Variants in CLNK observed in about 807,000 individuals in gnomAD.
The protein encoded by CLNK is cytokine dependent hematopoietic cell linker.
CLNK carries 74 observed loss-of-function variants against 68.6 expected under a neutral mutation model. That is an observed-to-expected ratio of 1.08 (90% CI 0.89 to 1.31). The LOEUF is 1.31. Among genes scored for constraint, CLNK ranks in the 50% most tolerant of loss-of-function variants. CLNK has a pLI of 0.00. For missense variants in CLNK, 553 were observed against 515.3 expected (o/e 1.07, Z -0.71); for synonymous variants, 198 against 172.2 (o/e 1.15, Z -1.17).
At chr4:10,528,482 A>G (rs931585848) in intron 12 of CLNK, among the ~76,000 whole-genome samples, 9 of 152,228 alleles carry the variant, frequency 5.9e-5, no homozygotes, top group Non-Finnish European at 1.3e-4. Context: ...AAAGATGTTC[A>G]TTGCATCATT....
At chr4:10,570,506 A>G (rs1720301766) in intron 5 of CLNK, among the ~76,000 whole-genome samples, 1 of 152,146 alleles carries the variant, frequency 6.6e-6, no homozygotes. Context: ...TCTTAACTAG[A>G]GGTTCAATAT....
Position 10,513,394 on chromosome 4 carries a change from A to G in CLNK, c.906+70T>C, listed in dbSNP as rs914967413. 2.1e-6 allele frequency: 3 copies of G among 1,420,266 alleles called. No individual in the cohort carries two copies. The African/African-American group carries it at 4.3e-5, about 20-fold the overall frequency. The allele number at this position is 1,420,266 out of a possible 1,614,324, so 88.0% of individuals were successfully genotyped here. A position where few individuals can be genotyped will look rare whatever the true frequency, so the allele number is the denominator to read the frequency against. Reference sequence around the variant, plus strand: ...AAACATAAATAATCTCCTTTTGGGCATTGTTCAGGAAAGCTCTATTTAGAT... The same window carrying G: ...AAACATAAATAATCTCCTTTTGGGCGTTGTTCAGGAAAGCTCTATTTAGAT... On this transcript the variant is annotated intron_variant, in intron 16 of 18. Coordinates refer to ENST00000226951, the MANE Select transcript of CLNK (RefSeq NM_052964.4).
intron 8 of CLNK, among the ~76,000 whole-genome samples, chr4:10,557,062 C>T (rs911107750): frequency 3.4e-5 from 5 of 145,136 alleles, no homozygotes; most frequent in South Asian, 2.2e-4. Flanking sequence ...GGCAACAGAG[C>T]GAGACTCTGT....
chr4:10,501,452 A>G, intron 17 of CLNK, 41 bp from the exon 18 acceptor site: 1 of 1,588,520 alleles, frequency 6.3e-7, no homozygotes. Context: ...CAGACACGCC[A>G]GCATTCTGCC....
the CLNK span, among the ~76,000 whole-genome samples, chr4:10,705,898 G>C: frequency 6.6e-6 from 1 of 152,238 alleles, no homozygotes. Context: ...AAAAGTGTAA[G>C]ACACTGGACT....
At chr4:10,683,520 A>T (rs943812667) in intron 1 of CLNK, among the ~76,000 whole-genome samples, 2 of 152,194 alleles carry the variant, frequency 1.3e-5, no homozygotes, top group Non-Finnish European at 2.9e-5. Flanking sequence ...TTTCCTTCTG[A>T]ATTCTGTTAC....
chr4:10,681,140 C>A (rs1432534295), intron 1 of CLNK, among the ~76,000 whole-genome samples: 1 of 152,206 alleles, frequency 6.6e-6, no homozygotes, highest in Non-Finnish European at 1.5e-5. Context: ...TGCCCAATAT[C>A]AATTTAGTTT....
intron 5 of CLNK, 64 bp from the exon 6 acceptor site, chr4:10,566,214 A>G: frequency 2.0e-6 from 3 of 1,525,862 alleles, no homozygotes; most frequent in Middle Eastern, 1.7e-4. Context: ...GACAGGCTAC[A>G]GTGCTGGCTA....
the CLNK span, among the ~76,000 whole-genome samples, chr4:10,702,779 C>G: frequency 1.3e-5 from 2 of 152,088 alleles, no homozygotes; most frequent in Non-Finnish European, 2.9e-5. Context: ...TATGAAACAC[C>G]TAGAATACTG....
chr4:10,562,174 C>T (rs1719921363), intron 7 of CLNK, among the ~76,000 whole-genome samples: 1 of 146,460 alleles, frequency 6.8e-6, no homozygotes, highest in East Asian at 2.0e-4. Context: ...TATCTCAGCT[C>T]ACTGCAGCCT....
upstream of CLNK, among the ~76,000 whole-genome samples, chr4:10,685,910 C>G (rs1314314944): frequency 6.6e-6 from 1 of 152,174 alleles, no homozygotes; most frequent in East Asian, 1.9e-4. Flanking sequence ...AAAGCAGTAA[C>G]CACTTTATTT....
At position 10,684,706 on chromosome 4, in the gene CLNK, G is replaced by T. The variant is rs1256712256; in HGVS notation, c.-81C>A. 6.6e-6 allele frequency: 1 copy of T among 152,214 alleles called. No individual in the cohort carries two copies. The highest frequency in any genetic ancestry group is 1.5e-5 in the Non-Finnish European group (1 of 68,080). 9.4% of individuals were successfully genotyped at this position (152,214 alleles called of 1,614,324 possible). A position where few individuals can be genotyped will look rare whatever the true frequency, so the allele number is the denominator to read the frequency against. On this transcript the variant is annotated 5_prime_UTR_variant, in exon 1 of 19. Transcript: ENST00000226951. ...AGAGCACCAAGGGATCTAGGCTGAG[G>T]TGTCCGTCTCCTGTGAGGAGGGGCG...
At chr4:10,633,384 G>GC (rs761077417) in intron 2 of CLNK, among the ~76,000 whole-genome samples, 1 of 152,220 alleles carries the variant, frequency 6.6e-6, no homozygotes, top group African/African-American at 2.4e-5. Flanking sequence ...CGACTGATGG[G>GC]CTGCAGCTTT....
chr4:10,696,477 C>A, the CLNK span, among the ~76,000 whole-genome samples: 76 of 152,170 alleles, frequency 5.0e-4, 1 homozygote, highest in Admixed American at 4.9e-3. Context: ...GCTCATGCAC[C>A]AACCACACGG....
chr4:10,725,002 T>C, the CLNK span, among the ~76,000 whole-genome samples: 1 of 152,136 alleles, frequency 6.6e-6, no homozygotes, highest in South Asian at 2.1e-4. Context: ...CACGGACACC[T>C]GTGAAGAAGG....
chr4:10,671,725 C>T (rs1371507020), intron 1 of CLNK, among the ~76,000 whole-genome samples: 1 of 152,140 alleles, frequency 6.6e-6, no homozygotes, highest in Non-Finnish European at 1.5e-5. Context: ...CCCCCATCTC[C>T]CCACCTCAGT....
At chr4:10,619,592 G>C (rs1290118420) in intron 2 of CLNK, among the ~76,000 whole-genome samples, 1 of 152,064 alleles carries the variant, frequency 6.6e-6, no homozygotes, top group African/African-American at 2.4e-5. Context: ...TGCAGGAGGG[G>C]TTGGGGTGGA....
chr4:10,717,996 G>A, the CLNK span, among the ~76,000 whole-genome samples: 1 of 152,104 alleles, frequency 6.6e-6, no homozygotes, highest in Non-Finnish European at 1.5e-5. Flanking sequence ...AGCAAAAACA[G>A]CAAAGTCTTA....
intron 2 of CLNK, among the ~76,000 whole-genome samples, chr4:10,603,745 G>A (rs996713423): frequency 1.1e-4 from 17 of 152,202 alleles, no homozygotes; most frequent in Non-Finnish European, 2.5e-4. Context: ...GCACTCCTGG[G>A]TGGCCCAGTC....
Sources: gnomAD v4.1 joint callset for allele counts (sites outside exome capture counted in the v4.1 genomes callset) on GRCh38, gnomAD v4.1.1 for gene constraint, MANE v1.5 for transcripts, NCBI Gene and HGNC (gene_info 2026-07-23, HGNC 2026-07-21) for gene names.